NBAS: variants seen among roughly 807,000 people sequenced by gnomAD.
The protein encoded by NBAS is NBAS subunit of NRZ tethering complex.
A neutral mutation model predicts 302.5 loss-of-function variants in NBAS; 219 were observed. The ratio of observed to expected loss-of-function variants is 0.72; its 90% CI spans 0.65 to 0.81. The LOEUF (loss-of-function observed/expected upper bound fraction) is 0.81. Among genes scored for constraint, NBAS ranks in the 30% least tolerant of loss-of-function variants. NBAS has a pLI of 0.00. For synonymous variants in NBAS, 1,118 were observed against 1,021.6 expected (o/e 1.09, Z -1.80); for missense variants, 2,932 against 2,841.6 (o/e 1.03, Z -0.72).
At chr2:15,236,574 G>A (rs1667604675) in intron 45 of NBAS, among the ~76,000 whole-genome samples, 1 of 133,088 alleles carries the variant, frequency 7.5e-6, no homozygotes, top group South Asian at 2.5e-4. Flanking sequence ...TTGTTCCACA[G>A]AGAGTAATGA....
At chr2:15,188,650 G>T (rs758877547) in intron 49 of NBAS, among the ~76,000 whole-genome samples, 3 of 152,102 alleles carry the variant, frequency 2.0e-5, no homozygotes, top group Non-Finnish European at 4.4e-5. Context: ...GGCTACAAAA[G>T]AATACAACTT....
chr2:14,917,849 G>C, the NBAS span, among the ~76,000 whole-genome samples: 4 of 152,144 alleles, frequency 2.6e-5, no homozygotes, highest in Admixed American at 6.5e-5. Flanking sequence ...AAGTAGGAAG[G>C]GTTTGGAGCT....
At chr2:15,145,397 TTGTA>T in the NBAS span, among the ~76,000 whole-genome samples, 71 of 90,898 alleles carry the variant, frequency 7.8e-4, no homozygotes, top group Middle Eastern at 0.01. Flanking sequence ...ATGTGTTTGT[TTGTA>T]TGTGTGTGTG....
intron 48 of NBAS, among the ~76,000 whole-genome samples, chr2:15,199,091 C>G (rs190972323): frequency 7.1e-6 from 1 of 140,852 alleles, no homozygotes; most frequent in East Asian, 2.1e-4. Context: ...TGTGCCACTG[C>G]ACTCCAGCCT....
chr2:14,985,082 C>T, the NBAS span, among the ~76,000 whole-genome samples: 4 of 152,176 alleles, frequency 2.6e-5, no homozygotes, highest in African/African-American at 4.8e-5. Flanking sequence ...GTCTGGAATA[C>T]TATTGTTCAA....
chr2:15,441,667 A>AAAT (rs1277723539), intron 21 of NBAS, among the ~76,000 whole-genome samples: 1 of 150,762 alleles, frequency 6.6e-6, no homozygotes, highest in Non-Finnish European at 1.5e-5. Context: ...TATTAACTTT[A>AAAT]AATGTAAATG....
At chr2:15,534,030 A>G (rs1663361595) in intron 9 of NBAS, among the ~76,000 whole-genome samples, 1 of 152,174 alleles carries the variant, frequency 6.6e-6, no homozygotes, top group Non-Finnish European at 1.5e-5. Context: ...AATCACTGGA[A>G]GTAGAAAATG....
chr2:14,816,806 T>C, the NBAS span, among the ~76,000 whole-genome samples: 1 of 152,170 alleles, frequency 6.6e-6, no homozygotes, highest in South Asian at 2.1e-4. Flanking sequence ...TTCCCAGAGA[T>C]AATAAAGATC....
chr2:15,299,879 A>G (rs191051519), intron 40 of NBAS, among the ~76,000 whole-genome samples: 1 of 152,338 alleles, frequency 6.6e-6, no homozygotes, highest in African/African-American at 2.4e-5. Context: ...ACACTGACTT[A>G]TTATTATATA....
chr2:14,855,049 T>C, the NBAS span, among the ~76,000 whole-genome samples: 84,556 of 151,660 alleles, frequency 0.56, 25,725 homozygotes, highest in African/African-American at 0.82. Flanking sequence ...GGAAGAGTGG[T>C]GAGAACTTTG....
At chr2:14,931,030 G>T in the NBAS span, among the ~76,000 whole-genome samples, 1 of 152,130 alleles carries the variant, frequency 6.6e-6, no homozygotes, top group Admixed American at 6.5e-5. Flanking sequence ...TCAGAGAAAT[G>T]GTGCTTGAAG....
intron 23 of NBAS, among the ~76,000 whole-genome samples, chr2:15,421,756 C>T (rs1218101715): frequency 6.6e-6 from 1 of 152,092 alleles, no homozygotes; most frequent in Non-Finnish European, 1.5e-5. Flanking sequence ...TCAAGGTGTC[C>T]AGGCATTATT....
chr2:15,089,503 A>C, the NBAS span, among the ~76,000 whole-genome samples: 1 of 152,100 alleles, frequency 6.6e-6, no homozygotes, highest in Non-Finnish European at 1.5e-5. Context: ...ATTAGTTTAG[A>C]GCTAGGGCCA....
At chr2:15,536,022 TAA>T (rs769168253) in intron 8 of NBAS, among the ~76,000 whole-genome samples, 41 of 152,228 alleles carry the variant, frequency 2.7e-4, no homozygotes, top group Non-Finnish European at 4.8e-4. Context: ...GCATTTGTCA[TAA>T]CTCACCAGCT....
the NBAS span, among the ~76,000 whole-genome samples, chr2:15,092,179 T>C: frequency 1.6e-4 from 24 of 152,190 alleles, no homozygotes; most frequent in African/African-American, 5.3e-4. Flanking sequence ...ATTAGTAAAA[T>C]GACCTCCCAC....
chr2:15,360,636 C>T (rs907127551), intron 32 of NBAS, among the ~76,000 whole-genome samples: 1 of 148,690 alleles, frequency 6.7e-6, no homozygotes, highest in Admixed American at 6.7e-5. Context: ...AAGTCTGAGC[C>T]GCCATGACCA....
chr2:15,410,025 A>C (rs1225493320), intron 25 of NBAS, among the ~76,000 whole-genome samples: 1 of 151,728 alleles, frequency 6.6e-6, no homozygotes, highest in African/African-American at 2.4e-5. Context: ...TCAGAAAGAA[A>C]CTCCCTGCCC....
chr2:15,464,095 C>G (rs1447021579), intron 19 of NBAS, among the ~76,000 whole-genome samples: 7 of 152,162 alleles, frequency 4.6e-5, no homozygotes. Flanking sequence ...ACTCTTCTCT[C>G]TACTTCTTTG....
chr2:14,847,341 C>T, the NBAS span, among the ~76,000 whole-genome samples: 1 of 138,198 alleles, frequency 7.2e-6, no homozygotes, highest in Non-Finnish European at 1.5e-5. Context: ...CAAGACCACA[C>T]CACTGCACTC....
Sources: allele counts gnomAD v4.1 joint callset (sites outside exome capture counted in the v4.1 genomes callset), GRCh38; gene constraint gnomAD v4.1.1; transcripts MANE v1.5; gene names NCBI Gene and HGNC (gene_info 2026-07-23, HGNC 2026-07-21).